The following HDHD5 variants were observed in gnomAD, a reference collection of about 807,000 sequenced individuals.
HDHD5 encodes the protein haloacid dehalogenase-like hydrolase domain-containing 5.
HDHD5 carries 34 observed loss-of-function variants against 35.5 expected under a neutral mutation model. The observed-to-expected ratio is 0.96, with a 90% confidence interval of 0.73 to 1.28. HDHD5 has a LOEUF of 1.28. Among genes scored for constraint, HDHD5 ranks in the 50% most tolerant of loss-of-function variants. The pLI is 0.00. For synonymous variants in HDHD5, 248 were observed against 240.6 expected, an observed-to-expected ratio of 1.03 and a Z score of -0.29; for missense variants, 589 against 560.2, an observed-to-expected ratio of 1.05 and a Z score of -0.52.
chr22:17,152,416 C>T (rs1192310698), intron 1 of HDHD5, among the ~76,000 whole-genome samples: 16 of 152,162 alleles, frequency 1.1e-4, no homozygotes, highest in Non-Finnish European at 2.9e-5. Context: ...TGGTAACCAT[C>T]CAGATACAGG....
intron 3 of HDHD5, among the ~76,000 whole-genome samples, chr22:17,147,919 G>A (rs149569711): frequency 0.01 from 1,562 of 152,320 alleles, 16 homozygotes; most frequent in Admixed American, 0.02. Flanking sequence ...CCTGGTCCTC[G>A]TCCCATTCAG....
Position 17,165,239 on chromosome 22 carries a change from A to T in HDHD5, c.6T>A (p.Tyr2Ter). 1 of 777,530 alleles carries T rather than the reference A, an allele frequency of 1.3e-6. No homozygotes were observed. 48.2% of individuals were successfully genotyped at this position (777,530 alleles called of 1,614,324 possible). A position where few individuals can be genotyped will look rare whatever the true frequency, so the allele number is the denominator to read the frequency against. The change falls in exon 1 of 8, where the codon TAT becomes TAA. Residue 2 changes from tyrosine to a stop codon, truncating the protein, a stop_gained. Transcript: ENST00000155674. LOFTEE classifies it high-confidence loss of function. ...AGAAGCTGGGAAGAAAGAACCAAGC[A>T]TACATGATTTAGTCCCCTCTCCTCT...
At chr22:17,159,480 C>G (rs919638449), upstream of HDHD5, 4 of 507,376 alleles carry the variant, frequency 7.9e-6, no homozygotes, top group Non-Finnish European at 1.1e-5. Flanking sequence ...TCGCGGTGAG[C>G]TGGCCGCGGC....
In HDHD5 at chr22:17,137,655, C is replaced by CT; in HGVS notation, c.*365_*366insA. 1.0e-5 allele frequency: 2 copies of CT among 200,462 alleles called. No homozygotes were observed. The highest frequency in any genetic ancestry group is 5.6e-5 in the Admixed American group (1 of 17,920). The allele number at this position is 200,462 out of a possible 1,614,324, so 12.4% of individuals were successfully genotyped here. ...GCCGACAGGCTGCATGCCTTCAGTGCCGGCAAAGGCTCTGCACAGACATCC... is the reference window on the plus strand; with the variant it reads ...GCCGACAGGCTGCATGCCTTCAGTGCTCGGCAAAGGCTCTGCACAGACATCC... On this transcript the variant is annotated 3_prime_UTR_variant, in exon 8 of 8. Transcript: ENST00000336737.
At chr22:17,159,637 C>G (rs1430475512), upstream of HDHD5, 1 of 386,012 alleles carries the variant, frequency 2.6e-6, no homozygotes, top group Non-Finnish European at 5.0e-6. Context: ...ACTTCAGGGC[C>G]GGGCCGCTGG....
At chr22:17,144,145 A>T (rs1229772104) in intron 4 of HDHD5, among the ~76,000 whole-genome samples, 1 of 152,254 alleles carries the variant, frequency 6.6e-6, no homozygotes, top group African/African-American at 2.4e-5. Flanking sequence ...GCCAGCCAGT[A>T]AGTCTGGAAC....
chr22:17,140,071 A>C (rs2061582556), intron 6 of HDHD5, among the ~76,000 whole-genome samples: 1 of 152,196 alleles, frequency 6.6e-6, no homozygotes, highest in Non-Finnish European at 1.5e-5. Flanking sequence ...ACACTTTAAA[A>C]GTGACAAGAG....
Position 17,145,507 on chromosome 22 carries a change from A to C in HDHD5, c.444-390T>G, listed in dbSNP as rs533245515. On this transcript the variant is annotated intron_variant, in intron 3 of 7. Transcript: ENST00000336737. The stretch of plus-strand genomic sequence containing the variant: ...TGGCTTGAGCCCAGGAGTTCCAGCC[A>C]GCATGGGCAACATAGTGAGACCTTG... Among the ~76,000 whole-genome samples, 246 of 152,318 alleles carry C rather than the reference A, an allele frequency of 1.6e-3. 1 individual carries two copies. Among genetic ancestry groups the C allele is most frequent in the Non-Finnish European group, 2.8e-3 (192 of 68,030 alleles).
rs1447790112 is a variant in HDHD5, at chr22:17,138,607, C to T, written c.878G>A (p.Arg293Lys). The T allele has an allele frequency of 1.1e-5, 17 of 1,614,210 alleles. No homozygotes were observed. Among genetic ancestry groups the T allele is most frequent in the Non-Finnish European group, 1.4e-5 (17 of 1,180,032 alleles). The change falls in exon 7 of 8, where the codon AGG becomes AAG. Residue 293 changes from arginine to lysine, a missense_variant. By Grantham distance (26) the Arg-to-Lys change is conservative (BLOSUM62 2). Coordinates refer to ENST00000336737, the MANE Select transcript of HDHD5 (RefSeq NM_033070.3). The stretch of plus-strand genomic sequence containing the variant: ...CCAGCCCCGCCTCTCCGCCTGTCGC[C>T]TGATCAGGTCCTCGGCATACTGGTA... ...LTYQYAEDLI[R>K]RQAERRGWAA...
chr22:17,145,699 A>C (rs997092155), intron 3 of HDHD5, among the ~76,000 whole-genome samples: 1 of 152,070 alleles, frequency 6.6e-6, no homozygotes, highest in African/African-American at 2.4e-5. Flanking sequence ...CTCAAAAAAA[A>C]ACAAAAAACT....
chr22:17,142,800 G>C, intron 5 of HDHD5: 1 of 328,622 alleles, frequency 3.0e-6, no homozygotes, highest in Non-Finnish European at 5.5e-6. Context: ...GGTATAAAAA[G>C]GGGAGAACTG....
chr22:17,159,286 G>C (rs1191382554), upstream of HDHD5: 164 of 1,040,500 alleles, frequency 1.6e-4, no homozygotes, highest in African/African-American at 5.3e-4. Flanking sequence ...ACGGCGTGCG[G>C]CCCCCCCCCC....
chr22:17,147,961 T>C (rs2061684165), intron 3 of HDHD5, among the ~76,000 whole-genome samples: 1 of 152,244 alleles, frequency 6.6e-6, no homozygotes, highest in Non-Finnish European at 1.5e-5. Context: ...ACACAGGACG[T>C]GCTCAGCACA....
chr22:17,156,320 AT>A (rs1315361291), intron 1 of HDHD5, among the ~76,000 whole-genome samples: 5 of 151,976 alleles, frequency 3.3e-5, no homozygotes, highest in South Asian at 2.1e-4. Context: ...AAAAAAAAAA[AT>A]TTTTTTTAAG....
At chr22:17,154,683 T>G (rs534767566) in intron 1 of HDHD5, among the ~76,000 whole-genome samples, 32 of 150,938 alleles carry the variant, frequency 2.1e-4, no homozygotes, top group Non-Finnish European at 4.1e-4. Context: ...GGTGCACTAG[T>G]GTCATCTCAG....
At chr22:17,159,656 C>T, upstream of HDHD5, 1 of 352,168 alleles carries the variant, frequency 2.8e-6, no homozygotes, top group Non-Finnish European at 5.5e-6. Flanking sequence ...GGGGCAGACC[C>T]TTAGTGATGT....
In HDHD5 at chr22:17,159,257, C is replaced by T; in HGVS notation, c.-6G>A. ...ACACAGCCCCACGCAGCCATCCGGC[C>T]GTCGCCGTGCGCACGTGCACGGCGT... On this transcript the variant is annotated 5_prime_UTR_variant, in exon 1 of 8. Transcript: ENST00000336737. 2 of 1,266,194 alleles carry T rather than the reference C, an allele frequency of 1.6e-6. No homozygotes were observed. Among genetic ancestry groups the T allele is most frequent in the South Asian group, 1.9e-5 (1 of 51,358 alleles). 78.4% of individuals were successfully genotyped at this position (1,266,194 alleles called of 1,614,324 possible).
intron 1 of HDHD5, among the ~76,000 whole-genome samples, chr22:17,150,710 G>A (rs1375972911): frequency 1.3e-5 from 2 of 152,086 alleles, no homozygotes; most frequent in Admixed American, 1.3e-4. Flanking sequence ...GTGGAGACGA[G>A]GTTATGCCAT....
intron 1 of HDHD5, among the ~76,000 whole-genome samples, chr22:17,151,962 A>G (rs1268706326): frequency 6.6e-6 from 1 of 152,212 alleles, no homozygotes; most frequent in African/African-American, 2.4e-5. Flanking sequence ...CCAGACAATG[A>G]AAGTGTTAAA....
Sources: allele counts gnomAD v4.1 joint callset (sites outside exome capture counted in the v4.1 genomes callset), GRCh38; gene constraint gnomAD v4.1.1; transcripts MANE v1.5; gene names NCBI Gene and HGNC (gene_info 2026-07-23, HGNC 2026-07-21).